TM4SF19: variants seen among roughly 807,000 people sequenced by gnomAD.
TM4SF19 encodes transmembrane 4 L six family member 19, also known as transmembrane 4 L6 family member 19.
Under a neutral mutation model 21.8 loss-of-function variants are expected in TM4SF19, and 17 were observed. The observed-to-expected ratio is 0.78, with a 90% CI of 0.53 to 1.17. The LOEUF is 1.17. Ranked by LOEUF, TM4SF19 falls within the 50% of genes most tolerant of loss-of-function variation. TM4SF19 has a pLI of 0.00. For missense variants in TM4SF19, 216 were observed against 252.1 expected, an observed-to-expected ratio of 0.86 and a Z score of 0.97; for synonymous variants, 107 against 106.7, an observed-to-expected ratio of 1.00 and a Z score of -0.02.
rs1195417562 is a variant in TM4SF19 at position 196,323,717 on chromosome 3, A to G, written c.*100T>C. Reference sequence around the variant, plus strand: ...GTCATTATTACTCCAGGGATACCTAAAGGGGAAGTTTGTTTATAATTCGTA... The same window carrying G: ...GTCATTATTACTCCAGGGATACCTAGAGGGGAAGTTTGTTTATAATTCGTA... On this transcript the variant is annotated 3_prime_UTR_variant, in exon 5 of 5. Transcript: ENST00000273695. The G allele has an allele frequency of 6.3e-7, 1 of 1,594,414 alleles. No homozygotes were observed. Among genetic ancestry groups the G allele is most frequent in the East Asian group, 2.3e-5 (1 of 44,370 alleles).
chr3:196,324,723 C>A, intron 3 of TM4SF19: 1 of 407,016 alleles, frequency 2.5e-6, no homozygotes, highest in Non-Finnish European at 4.5e-6. Context: ...TCTCCCTGAC[C>A]GTGAGTTCGC....
chr3:196,337,024 G>A (rs1049900102), intron 1 of TM4SF19, among the ~76,000 whole-genome samples: 1 of 151,596 alleles, frequency 6.6e-6, no homozygotes, highest in Non-Finnish European at 1.5e-5. Flanking sequence ...AAGTCTAGTG[G>A]GGACACTGCT....
chr3:196,330,229 G>A (rs1297447112), intron 1 of TM4SF19, among the ~76,000 whole-genome samples: 4 of 152,128 alleles, frequency 2.6e-5, no homozygotes, highest in East Asian at 1.9e-4. Context: ...CCTCCAGCCC[G>A]TGCCTCCAGA....
chr3:196,338,155 C>T (rs929848579), intron 1 of TM4SF19, 109 bp downstream of exon 1: 1 of 152,402 alleles, frequency 6.6e-6, no homozygotes, highest in African/African-American at 2.4e-5. Flanking sequence ...CGCAAAGTCA[C>T]ACAGACGCCA....
At chr3:196,333,544 G>C (rs1727606742) in intron 1 of TM4SF19, among the ~76,000 whole-genome samples, 1 of 152,056 alleles carries the variant, frequency 6.6e-6, no homozygotes, top group South Asian at 2.1e-4. Context: ...TTCAGTTAAG[G>C]GGGGATTACT....
intron 1 of TM4SF19, among the ~76,000 whole-genome samples, chr3:196,329,084 C>G (rs1727415920): frequency 7.6e-6 from 1 of 131,220 alleles, no homozygotes; most frequent in South Asian, 2.5e-4. Flanking sequence ...GCTGGGATTA[C>G]AGGTGCCCGC....
At chr3:196,336,460 C>G (rs1727766393) in intron 1 of TM4SF19, among the ~76,000 whole-genome samples, 1 of 152,164 alleles carries the variant, frequency 6.6e-6, no homozygotes, top group South Asian at 2.1e-4. Context: ...AAAGGGGAAA[C>G]TAAAAATGAT....
intron 3 of TM4SF19, chr3:196,324,709 C>T (rs544686381): frequency 2.2e-4 from 95 of 436,022 alleles, no homozygotes; most frequent in Admixed American, 1.4e-3. Context: ...TCGCAGGCCC[C>T]GGATCTCCCT....
At chr3:196,338,196 G>C (rs1276471249) in intron 1 of TM4SF19, 68 bp downstream of exon 1, 1 of 152,336 alleles carries the variant, frequency 6.6e-6, no homozygotes, top group Non-Finnish European at 1.5e-5. Context: ...TGGAGTGGAA[G>C]CGTGCACTCT....
intron 1 of TM4SF19, among the ~76,000 whole-genome samples, chr3:196,334,339 G>T (rs1463145210): frequency 6.6e-6 from 1 of 150,390 alleles, no homozygotes; most frequent in Non-Finnish European, 1.5e-5. Flanking sequence ...GTTTAGTCGG[G>T]TGTTTTCCAT....
rs771669811 is a variant in TM4SF19 at position 196,324,416 on chromosome 3, C to T, written c.304G>A (p.Gly102Ser). 2 of 1,614,138 alleles carry T rather than the reference C, an allele frequency of 1.2e-6. No individual in the cohort carries two copies. Among genetic ancestry groups the T allele is most frequent in the South Asian group, 2.2e-5 (2 of 91,086 alleles). Residue 102 changes from glycine to serine, a missense_variant, in exon 4 of 5, where the codon GGC becomes AGC. By Grantham distance (56) the Gly-to-Ser change is moderately conservative. Transcript: ENST00000273695. ...ATCAGGGCTCCAAGTAAAGCCAGGC[C>T]ACCTGACAACAGAGCAGTAAGCACC... ...RSVLTALLSG[G>S]LALLGALICF...
chr3:196,334,020 C>T (rs947453598), intron 1 of TM4SF19, among the ~76,000 whole-genome samples: 2 of 151,786 alleles, frequency 1.3e-5, no homozygotes, highest in African/African-American at 4.8e-5. Context: ...AAGATCGCAC[C>T]ACTGCACTCC....
At chr3:196,324,803 A>G in intron 3 of TM4SF19, 1 of 189,190 alleles carries the variant, frequency 5.3e-6, no homozygotes, top group Non-Finnish European at 1.1e-5. Flanking sequence ...TGAGCTAAAG[A>G]AGAAGCTACC....
rs1046952862 is a variant in TM4SF19, at chr3:196,332,630, C to A, written c.-1-5039G>T. 7.9e-5 allele frequency among the ~76,000 whole-genome samples: 12 copies of A among 151,766 alleles called. 1 individual carries two copies. The East Asian group carries it at 1.7e-3, about 22-fold the overall frequency. ...GTGTACGTACACACACACACACACA[C>A]AATAGTCCCCCATATCTGCAGGGGA... is the stretch of plus-strand genomic sequence containing the variant. On this transcript the variant is annotated intron_variant, in intron 1 of 4. Transcript: ENST00000273695.
intron 1 of TM4SF19, among the ~76,000 whole-genome samples, chr3:196,332,903 A>C (rs1411372563): frequency 2.2e-5 from 3 of 133,446 alleles, no homozygotes; most frequent in Admixed American, 9.0e-5. Context: ...CCCAGGCTGG[A>C]GTGCAGTAGC....
chr3:196,332,216 G>A (rs1727543711), intron 1 of TM4SF19, among the ~76,000 whole-genome samples: 1 of 151,196 alleles, frequency 6.6e-6, no homozygotes, highest in African/African-American at 2.4e-5. Flanking sequence ...GATCACGCCA[G>A]TGCACTCCAG....
chr3:196,326,246 A>G (rs1451385543), intron 3 of TM4SF19, among the ~76,000 whole-genome samples: 1 of 152,144 alleles, frequency 6.6e-6, no homozygotes, highest in East Asian at 1.9e-4. Context: ...AAGTGCTGGG[A>G]TTACAGGCGT....
intron 1 of TM4SF19, among the ~76,000 whole-genome samples, chr3:196,335,595 G>C (rs1675939361): frequency 6.6e-6 from 1 of 151,634 alleles, no homozygotes; most frequent in Non-Finnish European, 1.5e-5. Context: ...AGGGTCCTGG[G>C]GCAGGGTGGG....
At chr3:196,331,101 G>A (rs1005491941) in intron 1 of TM4SF19, among the ~76,000 whole-genome samples, 9 of 151,794 alleles carry the variant, frequency 5.9e-5, no homozygotes, top group Non-Finnish European at 1.2e-4. Flanking sequence ...TGGTGAAACC[G>A]TGTCTCTATT....
Sources: allele counts gnomAD v4.1 joint callset (sites outside exome capture counted in the v4.1 genomes callset), GRCh38; gene constraint gnomAD v4.1.1; transcripts MANE v1.5; gene names NCBI Gene and HGNC (gene_info 2026-07-23, HGNC 2026-07-21).